Variants in FHIT observed in about 807,000 individuals in gnomAD.
The protein encoded by FHIT is bis(5'-adenosyl)-triphosphatase.
A neutral mutation model predicts 17.9 loss-of-function variants in FHIT; 19 were observed. The observed-to-expected ratio is 1.06, with a 90% CI of 0.74 to 1.56. The LOEUF (loss-of-function observed/expected upper bound fraction) is 1.56. FHIT is among the 40% of genes most tolerant of loss of function. FHIT has a pLI of 0.00. For missense variants in FHIT, 248 were observed against 189.2 expected (o/e 1.31, Z -1.82); for synonymous variants, 81 against 69.7 (o/e 1.16, Z -0.81).
intron 5 of FHIT, among the ~76,000 whole-genome samples, chr3:60,136,594 T>C (rs570526279): frequency 1.3e-5 from 2 of 152,276 alleles, no homozygotes; most frequent in African/African-American, 4.8e-5. Context: ...GGTTCGGTTT[T>C]AGACTATGCT....
At chr3:61,033,232 G>A (rs149110872) in intron 3 of FHIT, among the ~76,000 whole-genome samples, 4 of 152,226 alleles carry the variant, frequency 2.6e-5, no homozygotes, top group Non-Finnish European at 4.4e-5. Context: ...GTCCTGCCAC[G>A]TATTTTTGTT....
intron 8 of FHIT, among the ~76,000 whole-genome samples, chr3:59,856,176 TCAA>T (rs1211406864): frequency 1.3e-5 from 2 of 152,206 alleles, no homozygotes; most frequent in Non-Finnish European, 1.5e-5. Flanking sequence ...ATGGCTATTG[TCAA>T]CAACTATCTG....
intron 1 of FHIT, among the ~76,000 whole-genome samples, chr3:61,218,075 G>A (rs1259973504): frequency 6.6e-6 from 1 of 152,128 alleles, no homozygotes; most frequent in Non-Finnish European, 1.5e-5. Context: ...GGGTAGATGG[G>A]ACTGTAGCTA....
intron 4 of FHIT, among the ~76,000 whole-genome samples, chr3:60,568,668 C>T (rs1337805355): frequency 6.6e-6 from 1 of 152,004 alleles, no homozygotes; most frequent in Non-Finnish European, 1.5e-5. Context: ...GAAACAGTTG[C>T]CACCTAACTA....
chr3:59,862,427 A>G (rs1314942797), intron 8 of FHIT, among the ~76,000 whole-genome samples: 1 of 152,238 alleles, frequency 6.6e-6, no homozygotes, highest in African/African-American at 2.4e-5. Context: ...GCCAAACCAT[A>G]TCAACAATCA....
At chr3:60,446,250 C>T (rs1205057716) in intron 5 of FHIT, among the ~76,000 whole-genome samples, 1 of 152,066 alleles carries the variant, frequency 6.6e-6, no homozygotes. Flanking sequence ...TTCTCTTGGT[C>T]CTCTTTCTTG....
chr3:60,758,579 C>G (rs1202466720), intron 4 of FHIT, among the ~76,000 whole-genome samples: 1 of 152,066 alleles, frequency 6.6e-6, no homozygotes, highest in Non-Finnish European at 1.5e-5. Flanking sequence ...CATGGGCGTG[C>G]GGATTCAGAA....
chr3:60,357,201 G>GT (rs1553752880), intron 5 of FHIT, among the ~76,000 whole-genome samples: 1 of 151,756 alleles, frequency 6.6e-6, no homozygotes. Flanking sequence ...GAGATCACTT[G>GT]TTTTTTGTTT....
At chr3:59,930,518 G>C (rs2107226763) in intron 7 of FHIT, among the ~76,000 whole-genome samples, 1 of 152,208 alleles carries the variant, frequency 6.6e-6, no homozygotes, top group African/African-American at 2.4e-5. Flanking sequence ...GCCTGGTATG[G>C]CCAAGGAGCA....
chr3:60,672,872 A>AGAGTGTGTGTGT, intron 4 of FHIT, among the ~76,000 whole-genome samples: 1 of 10,586 alleles, frequency 9.4e-5, no homozygotes, highest in Admixed American at 6.0e-4. Flanking sequence ...ACCTCTTTGT[A>AGAGTGTGTGTGT]GCGTGTGTGT....
At chr3:60,634,118 C>G (rs1399549219) in intron 4 of FHIT, among the ~76,000 whole-genome samples, 2 of 152,180 alleles carry the variant, frequency 1.3e-5, no homozygotes, top group African/African-American at 4.8e-5. Context: ...CATGTCCTGA[C>G]TCCTCTGAGC....
At chr3:61,144,859 G>A (rs2037183069) in intron 2 of FHIT, among the ~76,000 whole-genome samples, 1 of 152,082 alleles carries the variant, frequency 6.6e-6, no homozygotes. Flanking sequence ...TTGGGAAAAT[G>A]CCTATTCAGA....
Position 60,173,918 on chromosome 3 carries a change from T to TG in FHIT, c.104-159767_104-159766insC, listed in dbSNP as rs375142735. Reference sequence around the variant, plus strand: ...ATATATATATATATATATATATATGTTTTTTTTTTTTTTTGAGATCGAGTC... The same window carrying TG: ...ATATATATATATATATATATATATGTGTTTTTTTTTTTTTTGAGATCGAGTC... On this transcript the variant is annotated intron_variant, in intron 5 of 9. Coordinates refer to ENST00000492590, the MANE Select transcript of FHIT (RefSeq NM_002012.4). Among the ~76,000 whole-genome samples, 310 of 46,834 alleles carry TG rather than the reference T, an allele frequency of 6.6e-3. 3 individuals are homozygous for TG. Among genetic ancestry groups the TG allele is most frequent in the African/African-American group, 0.02 (170 of 8,458 alleles). The allele number at this position is 46,834 out of a possible 152,430, so 30.7% of individuals were successfully genotyped here.
At chr3:60,379,052 T>C (rs1028824643) in intron 5 of FHIT, among the ~76,000 whole-genome samples, 2 of 152,214 alleles carry the variant, frequency 1.3e-5, no homozygotes, top group Non-Finnish European at 2.9e-5. Flanking sequence ...GGTTGCACAA[T>C]GATGAAGAAT....
rs1701642080 is a variant in FHIT at position 60,401,152 on chromosome 3, T to G, written c.103+135708A>C. 2.0e-5 allele frequency among the ~76,000 whole-genome samples: 3 copies of G among 152,262 alleles called. No individual in the cohort carries two copies. The South Asian group carries it at 6.2e-4, about 32-fold the overall frequency. On this transcript the variant is annotated intron_variant, in intron 5 of 9. Transcript: ENST00000492590. The stretch of plus-strand genomic sequence containing the variant: ...ACATTATCTATGCATTTGTAAAGGT[T>G]ATTTTTGCTTTGCTTGTAGTGATTG...
intron 5 of FHIT, among the ~76,000 whole-genome samples, chr3:60,451,655 T>C (rs1023722633): frequency 1.3e-5 from 2 of 151,976 alleles, no homozygotes; most frequent in African/African-American, 4.8e-5. Flanking sequence ...CTACGGAAAA[T>C]CTCATTTTGC....
intron 3 of FHIT, among the ~76,000 whole-genome samples, chr3:61,003,727 T>C (rs2031255361): frequency 6.6e-6 from 1 of 152,240 alleles, no homozygotes; most frequent in Admixed American, 6.5e-5. Flanking sequence ...AGAAAAAATG[T>C]TCTTTATTAT....
chr3:60,025,474 C>T (rs1252150956), intron 5 of FHIT, among the ~76,000 whole-genome samples: 7 of 152,026 alleles, frequency 4.6e-5, no homozygotes, highest in Non-Finnish European at 1.0e-4. Context: ...ATACCCAGTA[C>T]TAAAGAGTAA....
At chr3:59,943,696 C>T (rs1575738733) in intron 7 of FHIT, among the ~76,000 whole-genome samples, 2 of 152,150 alleles carry the variant, frequency 1.3e-5, no homozygotes, top group East Asian at 3.9e-4. Context: ...ACATATTTGA[C>T]TCTACCATGG....
Sources: gnomAD v4.1 joint callset for allele counts (sites outside exome capture counted in the v4.1 genomes callset) on GRCh38, gnomAD v4.1.1 for gene constraint, MANE v1.5 for transcripts, NCBI Gene and HGNC (gene_info 2026-07-23, HGNC 2026-07-21) for gene names.